The following SMCHD1 variants were observed in gnomAD, a reference collection of about 807,000 sequenced individuals.
SMCHD1 encodes the protein structural maintenance of chromosomes flexible hinge domain containing 1.
In SMCHD1, 78 loss-of-function variants were observed where a neutral mutation model predicts 254.7. The ratio of observed to expected loss-of-function variants is 0.31; its 90% CI spans 0.26 to 0.37. SMCHD1 has a LOEUF of 0.37. Among genes scored for constraint, SMCHD1 ranks in the 10% least tolerant of loss-of-function variants. The pLI, the probability that SMCHD1 is intolerant of heterozygous loss-of-function variation, is 1.00. For synonymous variants in SMCHD1, 766 were observed against 794.9 expected (o/e 0.96, Z 0.61); for missense variants, 1,840 against 2,408.1 (o/e 0.76, Z 4.94).
At chr18:2,740,498 A>C (rs1251116387) in intron 27 of SMCHD1, among the ~76,000 whole-genome samples, 1 of 152,118 alleles carries the variant, frequency 6.6e-6, no homozygotes, top group Non-Finnish European at 1.5e-5. Context: ...ATCGTGTTAA[A>C]TGTAGTTGAA....
intron 1 of SMCHD1, among the ~76,000 whole-genome samples, chr18:2,658,528 C>T (rs562311343): frequency 6.6e-6 from 1 of 152,182 alleles, no homozygotes; most frequent in South Asian, 2.1e-4. Flanking sequence ...TAATTCTGTT[C>T]CTCCTTCCTC....
chr18:2,705,676 TTA>T lies in SMCHD1; in HGVS notation c.1843-17_1843-16del. On this transcript the variant is annotated splice_polypyrimidine_tract_variant and intron_variant, in intron 13 of 47. Coordinates refer to ENST00000320876, the MANE Select transcript of SMCHD1 (RefSeq NM_015295.3). Reference sequence around the variant, plus strand: ...CTTAATACTGAAGCTTTTTTTTTTTTTAAAAACTAAATATTAGGTCAAGACAA... The same window carrying T: ...CTTAATACTGAAGCTTTTTTTTTTTTAAAACTAAATATTAGGTCAAGACAA... 2.4e-6 allele frequency: 3 copies of T among 1,252,902 alleles called. No individual in the cohort carries two copies. The highest frequency in any genetic ancestry group is 2.2e-6 in the Non-Finnish European group (2 of 900,678). 77.6% of individuals were successfully genotyped at this position (1,252,902 alleles called of 1,614,324 possible).
At position 2,752,474 on chromosome 18, in the gene SMCHD1, A is replaced by G. The variant is rs566070678; in HGVS notation, c.4282-14A>G. 1 of 1,583,414 alleles carries G rather than the reference A, an allele frequency of 6.3e-7. No individual in the cohort carries two copies. The highest frequency in any genetic ancestry group is 1.7e-5 in the Admixed American group (1 of 59,750). ...ATTTTCCCCTCTCCCCTTCTCTCCT[A>G]CTCCCCTTTCTAGGCAGAAACATTT... On this transcript the variant is annotated splice_polypyrimidine_tract_variant and intron_variant, in intron 33 of 47. Coordinates refer to ENST00000320876, the MANE Select transcript of SMCHD1 (RefSeq NM_015295.3).
rs147423775 is a variant in SMCHD1, at chr18:2,761,703, A to C, written c.4435-402A>C. ...GTGGTGGGCGCACACCTGTAGTCCCAGCTATTCAGGAGGCTGAGGCAGGAG... is the reference window on the plus strand; with the variant it reads ...GTGGTGGGCGCACACCTGTAGTCCCCGCTATTCAGGAGGCTGAGGCAGGAG... On this transcript the variant is annotated intron_variant, in intron 35 of 47. Coordinates refer to ENST00000320876, the MANE Select transcript of SMCHD1 (RefSeq NM_015295.3). 1.1e-4 allele frequency among the ~76,000 whole-genome samples: 17 copies of C among 152,288 alleles called. No homozygotes were observed. In the East Asian group the frequency reaches 3.3e-3, roughly 29 times the overall value.
intron 41 of SMCHD1, among the ~76,000 whole-genome samples, 171 bp downstream of exon 41, chr18:2,772,543 A>T (rs895628790): frequency 6.6e-6 from 1 of 152,230 alleles, no homozygotes; most frequent in African/African-American, 2.4e-5. Flanking sequence ...TTAAAACTGA[A>T]ATCTGTAATG....
chr18:2,685,094 A>ATT (rs372694951), intron 5 of SMCHD1, among the ~76,000 whole-genome samples: 16,119 of 81,024 alleles, frequency 0.2, 4,204 homozygotes, highest in Admixed American at 0.27. Flanking sequence ...TCTGTCCCTT[A>ATT]TTTTTTTCTT....
chr18:2,798,396 G>A (rs1306857631), intron 47 of SMCHD1, among the ~76,000 whole-genome samples: 2 of 152,216 alleles, frequency 1.3e-5, no homozygotes, highest in Non-Finnish European at 2.9e-5. Flanking sequence ...ACTCTTTGCA[G>A]TGGATTTAGA....
At chr18:2,700,497 T>G (rs1225138628) in intron 10 of SMCHD1, 42 bp from the exon 11 acceptor site, 2 of 1,556,360 alleles carry the variant, frequency 1.3e-6, no homozygotes, top group Non-Finnish European at 1.7e-6. Flanking sequence ...TTTCTCACAT[T>G]TTAGCAATAA....
At chr18:2,724,872 A>T in intron 20 of SMCHD1, 27 bp from the exon 21 acceptor site, 1 of 1,393,098 alleles carries the variant, frequency 7.2e-7, no homozygotes, top group Non-Finnish European at 9.9e-7. Context: ...AATTGAGGGG[A>T]GTTAAAAAAT....
chr18:2,775,693 A>G, intron 41 of SMCHD1, 41 bp from the exon 42 acceptor site: 4 of 1,534,426 alleles, frequency 2.6e-6, no homozygotes, highest in Non-Finnish European at 3.5e-6. Flanking sequence ...ATTTTTATAT[A>G]TGGATTTTAT....
intron 17 of SMCHD1, among the ~76,000 whole-genome samples, chr18:2,712,113 C>T (rs759561769): frequency 7.9e-5 from 12 of 152,178 alleles, no homozygotes; most frequent in African/African-American, 2.4e-5. Context: ...TTTACAACAA[C>T]ACTATATAGA....
At chr18:2,673,043 C>G in intron 3 of SMCHD1, 1 of 984,776 alleles carries the variant, frequency 1.0e-6, no homozygotes, top group South Asian at 4.7e-5. Context: ...AGCCAGGAAT[C>G]ATGGCTGGCT....
At position 2,802,576 on chromosome 18, in the gene SMCHD1, T is replaced by C. The variant is rs1319080332; in HGVS notation, c.*24T>C. 6 of 1,547,526 alleles carry C rather than the reference T, an allele frequency of 3.9e-6. No homozygotes were observed. The highest frequency in any genetic ancestry group is 5.2e-6 in the Non-Finnish European group (6 of 1,144,788). ...GAGAGGTGACAGAGAGAAGAGGCCA[T>C]TGGTCTCAGTAAGAATGCCCTGCTT... On this transcript the variant is annotated 3_prime_UTR_variant, in exon 48 of 48. Coordinates refer to ENST00000320876, the MANE Select transcript of SMCHD1 (RefSeq NM_015295.3).
Position 2,700,838 on chromosome 18 carries a change from A to G in SMCHD1, c.1567A>G (p.Thr523Ala). The G allele has an allele frequency of 6.2e-7, 1 of 1,613,378 alleles. No homozygotes were observed. Among genetic ancestry groups the G allele is most frequent in the Non-Finnish European group, 8.5e-7 (1 of 1,179,604 alleles). ...CACTAATGACAAATTCCAGGTCAGCACAAATAAATTGACGTTTATGGATCT... is the reference window on the plus strand; with the variant it reads ...CACTAATGACAAATTCCAGGTCAGCGCAAATAAATTGACGTTTATGGATCT... ...LFTNDKFQVS[T>A]NKLTFMDLEL... The change falls in exon 12 of 48, where the codon ACA (threonine) becomes GCA (alanine). Residue 523 changes from threonine to alanine, a missense_variant. Physicochemically the swap from Thr to Ala is moderately conservative, Grantham distance 58 (BLOSUM62 0). This residue lies in a region of SMCHD1 where 498 missense variants were observed against 743.5 expected (regional missense o/e 0.67). Transcript: ENST00000320876.
intron 21 of SMCHD1, 29 bp downstream of exon 21, chr18:2,725,024 C>T: frequency 1.6e-6 from 2 of 1,243,374 alleles, no homozygotes; most frequent in Non-Finnish European, 1.1e-6. Context: ...TCCTATGATA[C>T]TTGTTAAGTA....
chr18:2,735,830 C>T (rs2075237876), intron 25 of SMCHD1, among the ~76,000 whole-genome samples: 1 of 152,080 alleles, frequency 6.6e-6, no homozygotes. Flanking sequence ...ACTAGTACTG[C>T]CCAAAGCAAT....
intron 25 of SMCHD1, among the ~76,000 whole-genome samples, chr18:2,737,889 T>C (rs1478864420): frequency 6.6e-6 from 1 of 152,084 alleles, no homozygotes; most frequent in East Asian, 1.9e-4. Context: ...AAATATGGAA[T>C]GTAAGAGGTA....
intron 1 of SMCHD1, among the ~76,000 whole-genome samples, chr18:2,661,133 A>G (rs2073239276): frequency 6.6e-6 from 1 of 152,192 alleles, no homozygotes; most frequent in South Asian, 2.1e-4. Context: ...AACAATGAGA[A>G]CACATGAACA....
chr18:2,779,138 ATTTCAGTTATT>A (rs2076114640), intron 44 of SMCHD1: 1 of 152,192 alleles, frequency 6.6e-6, no homozygotes, highest in Non-Finnish European at 1.5e-5. Flanking sequence ...TAAAATAAAT[ATTTCAGTTATT>A]TACTGCTGCT....
Sources: gnomAD v4.1 joint callset for allele counts (sites outside exome capture counted in the v4.1 genomes callset) on GRCh38, gnomAD v4.1.1 for gene constraint, gnomAD v4.1.1 regional missense constraint, MANE v1.5 for transcripts, NCBI Gene and HGNC (gene_info 2026-07-23, HGNC 2026-07-21) for gene names.